The following MYO10 variants were observed in gnomAD, a reference collection of about 807,000 sequenced individuals.
The protein encoded by MYO10 is unconventional myosin-X.
In MYO10, 133 loss-of-function variants were observed where a neutral mutation model predicts 257.3. That is an observed-to-expected ratio of 0.52 (90% CI 0.45 to 0.60). MYO10 has a LOEUF of 0.60. Among genes scored for constraint, MYO10 ranks in the 20% least tolerant of loss-of-function variants. MYO10 has a pLI of 0.00. For synonymous variants in MYO10, 1,104 were observed against 1,028.6 expected (o/e 1.07, Z -1.40); for missense variants, 2,399 against 2,635.7 (o/e 0.91, Z 1.97).
intron 40 of MYO10, among the ~76,000 whole-genome samples, chr5:16,667,088 C>T (rs1736209319): frequency 6.6e-6 from 1 of 152,196 alleles, no homozygotes; most frequent in African/African-American, 2.4e-5. Context: ...ACCGAGGACG[C>T]TGAAGTTACT....
intron 1 of MYO10, among the ~76,000 whole-genome samples, chr5:16,926,955 GCTGA>G (rs1746149309): frequency 6.6e-6 from 1 of 152,174 alleles, no homozygotes; most frequent in Non-Finnish European, 1.5e-5. Flanking sequence ...TTGATATTTT[GCTGA>G]CTTTCAGCAA....
In MYO10 at chr5:16,713,621, T is replaced by C. The variant is rs528617875; in HGVS notation, c.1930-2376A>G. On this transcript the variant is annotated intron_variant, in intron 19 of 40. Transcript: ENST00000513610. Reference sequence around the variant, plus strand: ...CCATTGCGATTGTGTCCCTGCCCCTTCCCAGTAACTTAACCAGGGGAGGGG... The same window carrying C: ...CCATTGCGATTGTGTCCCTGCCCCTCCCCAGTAACTTAACCAGGGGAGGGG... 17 of 524,584 alleles carry C rather than the reference T, an allele frequency of 3.2e-5. No individual in the cohort carries two copies. The African/African-American group carries it at 3.3e-4, about 10-fold the overall frequency. 32.5% of individuals were successfully genotyped at this position (524,584 alleles called of 1,614,324 possible). A position where few individuals can be genotyped will look rare whatever the true frequency, so the allele number is the denominator to read the frequency against.
chr5:16,895,955 T>C (rs989718263), intron 1 of MYO10, among the ~76,000 whole-genome samples: 7 of 152,154 alleles, frequency 4.6e-5, no homozygotes, highest in Admixed American at 6.5e-5. Context: ...GGAGCTCCCC[T>C]GGGAAGCCAG....
rs1388307638 is a variant in MYO10, at chr5:16,893,484, A to G, written c.22-15777T>C. On this transcript the variant is annotated intron_variant, in intron 1 of 40. Coordinates refer to ENST00000513610, the MANE Select transcript of MYO10 (RefSeq NM_012334.3). Reference sequence around the variant, plus strand: ...CTCCATCTCTACTAAGAATACAAAAATTAGCCAGGTGTGGTGGTGCATGCC... The same window carrying G: ...CTCCATCTCTACTAAGAATACAAAAGTTAGCCAGGTGTGGTGGTGCATGCC... Among the ~76,000 whole-genome samples the G allele has an allele frequency of 2.0e-5, 3 of 151,892 alleles. No homozygotes were observed. The East Asian group carries it at 5.9e-4, about 30-fold the overall frequency.
intron 19 of MYO10, among the ~76,000 whole-genome samples, chr5:16,726,174 G>A (rs6554944): frequency 5.9e-5 from 9 of 152,162 alleles, no homozygotes; most frequent in South Asian, 4.2e-4. Flanking sequence ...ACAAGTTTAC[G>A]TCCAAAGTGA....
chr5:16,669,924 C>T (rs1197206145), intron 39 of MYO10, among the ~76,000 whole-genome samples: 1 of 152,092 alleles, frequency 6.6e-6, no homozygotes, highest in Non-Finnish European at 1.5e-5. Flanking sequence ...GGGAATATAT[C>T]TAAAGGAATG....
chr5:16,828,586 C>G (rs534805189), intron 2 of MYO10, among the ~76,000 whole-genome samples: 48 of 146,792 alleles, frequency 3.3e-4, no homozygotes, highest in African/African-American at 1.2e-3. Flanking sequence ...CGCCACTGCA[C>G]TCCAGCCTGG....
intron 19 of MYO10, among the ~76,000 whole-genome samples, chr5:16,736,234 C>T (rs1186741873): frequency 1.3e-5 from 2 of 152,068 alleles, no homozygotes; most frequent in Admixed American, 6.6e-5. Flanking sequence ...GGAGAACAAG[C>T]GGCGATTGTA....
chr5:16,846,980 TG>T (rs1228117487), intron 2 of MYO10, among the ~76,000 whole-genome samples: 2 of 151,952 alleles, frequency 1.3e-5, no homozygotes, highest in African/African-American at 4.8e-5. Context: ...TAGCTGGGTG[TG>T]GTGGCACACA....
chr5:16,758,163 T>G lies in MYO10; in HGVS notation c.1803A>C (p.Lys601Asn). ...VSSRNNQDTL[K>N]CGSKHRRPTV... The stretch of plus-strand genomic sequence containing the variant: ...TAGGCCGCCGATGTTTGCTTCCACA[T>G]TTCAAGGTATCCTGGTTGTTGCGGC... The change falls in exon 18 of 41, where the codon AAA (lysine) becomes AAC (asparagine). Residue 601 changes from lysine to asparagine, a missense_variant. Lys to Asn is a moderately conservative substitution (Grantham distance 94). This residue lies in a region of MYO10 where 1,820 missense variants were observed against 1,939.4 expected (regional missense o/e 0.94). Transcript: ENST00000513610. 6.2e-7 allele frequency: 1 copy of G among 1,613,798 alleles called. No individual in the cohort carries two copies. Among genetic ancestry groups the G allele is most frequent in the Non-Finnish European group, 8.5e-7 (1 of 1,179,714 alleles).
intron 19 of MYO10, among the ~76,000 whole-genome samples, chr5:16,720,400 T>G (rs1739105303): frequency 6.6e-6 from 1 of 152,196 alleles, no homozygotes; most frequent in East Asian, 1.9e-4. Context: ...ATTCAAAATT[T>G]AGAGTTCTAC....
At chr5:16,670,311 T>G (rs1411164552) in intron 39 of MYO10, among the ~76,000 whole-genome samples, 1 of 152,218 alleles carries the variant, frequency 6.6e-6, no homozygotes, top group Admixed American at 6.5e-5. Context: ...TAATTTTGCA[T>G]TCATTCCTAA....
chr5:16,877,604 C>A lies in MYO10; in HGVS notation c.120+5G>T. 1.9e-6 allele frequency: 3 copies of A among 1,609,822 alleles called. No individual in the cohort carries two copies. The highest frequency in any genetic ancestry group is 1.1e-5 in the South Asian group (1 of 90,818). ...TGTTGGGAAGCTGCAGGGACTTGTT[C>A]TCACCTGACCATAGTCTGTCCGGAA... On this transcript the variant is annotated splice_donor_5th_base_variant and intron_variant, in intron 2 of 40. Transcript: ENST00000513610.
In MYO10 at chr5:16,664,520, A is replaced by G. The variant is rs1736082965; in HGVS notation, c.*2172T>C. 1 of 152,210 alleles carries G rather than the reference A, an allele frequency of 6.6e-6. No individual in the cohort carries two copies. The highest frequency in any genetic ancestry group is 1.5e-5 in the Non-Finnish European group (1 of 68,040). The allele number at this position is 152,210 out of a possible 1,614,324, so 9.4% of individuals were successfully genotyped here. On this transcript the variant is annotated 3_prime_UTR_variant, in exon 41 of 41. Transcript: ENST00000513610. ...CTTCAGGTTCCATCCCAATCCCTGC[A>G]GAATGGGAAGAAGCCATCCGTGAGC...
chr5:16,857,569 C>G (rs1355388355), intron 2 of MYO10, among the ~76,000 whole-genome samples: 2 of 152,198 alleles, frequency 1.3e-5, no homozygotes, highest in Non-Finnish European at 2.9e-5. Flanking sequence ...CCTAAAACAC[C>G]TGCTGAATCA....
chr5:16,662,919 G>A lies in MYO10; in HGVS notation c.*3773C>T, dbSNP rs1736030356. The A allele has an allele frequency of 6.6e-6, 1 of 152,130 alleles. No homozygotes were observed. The highest frequency in any genetic ancestry group is 1.5e-5 in the Non-Finnish European group (1 of 68,050). 9.4% of individuals were successfully genotyped at this position (152,130 alleles called of 1,614,324 possible). On this transcript the variant is annotated 3_prime_UTR_variant, in exon 41 of 41. Transcript: ENST00000513610. ...CCACCATGATTGTGAGGCCTCCCCA[G>A]GCATGTGAGACTGAGTCCATTCAAC...
rs1736452980 is a variant in MYO10 at position 16,671,402 on chromosome 5, T to C, written c.5430+20A>G. On this transcript the variant is annotated intron_variant, in intron 38 of 40. Transcript: ENST00000513610. ...CCTTGCTTGCCGGCAAAGAAATCTG[T>C]TTCTAACTATTCCTTTTACCTGTTC... The C allele has an allele frequency of 6.2e-7, 1 of 1,612,908 alleles. No individual in the cohort carries two copies. Among genetic ancestry groups the C allele is most frequent in the African/African-American group, 1.3e-5 (1 of 74,900 alleles).
At chr5:16,915,734 T>C (rs1745796090) in intron 1 of MYO10, among the ~76,000 whole-genome samples, 1 of 152,198 alleles carries the variant, frequency 6.6e-6, no homozygotes, top group African/African-American at 2.4e-5. Flanking sequence ...GGCGGGCGGA[T>C]CACCTAAGGT....
At chr5:16,759,350 C>T (rs923355459) in intron 17 of MYO10, among the ~76,000 whole-genome samples, 19 of 152,170 alleles carry the variant, frequency 1.2e-4, no homozygotes, top group African/African-American at 3.4e-4. Flanking sequence ...TCCCCACAAG[C>T]GGCAATATTA....
Sources: gnomAD v4.1 joint callset for allele counts (sites outside exome capture counted in the v4.1 genomes callset) on GRCh38, gnomAD v4.1.1 for gene constraint, gnomAD v4.1.1 regional missense constraint, MANE v1.5 for transcripts, NCBI Gene and HGNC (gene_info 2026-07-23, HGNC 2026-07-21) for gene names.